The following STK31 variants were observed in gnomAD, a reference collection of about 807,000 sequenced individuals.
STK31 encodes serine/threonine-protein kinase 31.
Under a neutral mutation model 129.7 loss-of-function variants are expected in STK31, and 89 were observed. The observed-to-expected ratio is 0.69, with a 90% CI of 0.58 to 0.82. The LOEUF (loss-of-function observed/expected upper bound fraction) is 0.82. Ranked by LOEUF, STK31 falls within the 40% of genes least tolerant of loss-of-function variation. The probability of loss-of-function intolerance (pLI) is 0.00; values close to 1 mark genes in which losing one functional copy is unlikely to be tolerated. For synonymous variants in STK31, 448 were observed against 395.3 expected (o/e 1.13, Z -1.58); for missense variants, 1,187 against 1,176.4 (o/e 1.01, Z -0.13).
intron 6 of STK31, among the ~76,000 whole-genome samples, chr7:23,730,856 T>TTATATATATATATATA (rs201160478): frequency 6.6e-5 from 5 of 75,232 alleles, no homozygotes; most frequent in South Asian, 5.4e-4. Flanking sequence ...ATATAAACAT[T>TTATATATATATATATA]TATATATATA....
At position 23,832,159 on chromosome 7, in the gene STK31, C is replaced by G. The variant is rs1232162107; in HGVS notation, c.2853C>G (p.Leu951=). The G allele has an allele frequency of 2.5e-6, 4 of 1,613,798 alleles. No individual in the cohort carries two copies. Among genetic ancestry groups the G allele is most frequent in the African/African-American group, 1.3e-5 (1 of 74,934 alleles). ...FHLDDKVKSL[L]CSLICYRSSM... is the part of the protein sequence containing the mutation. ...AGGATGATAAAGTCAAATCCCTCCT[C>G]TGTAGCTTGATATGTTATAGAAGTT... Residue 951 remains leucine, a synonymous_variant, in exon 24 of 24, where the codon CTC becomes CTG. Transcript: ENST00000355870.
intron 9 of STK31, among the ~76,000 whole-genome samples, chr7:23,753,322 G>C (rs1788836240): frequency 6.6e-6 from 1 of 152,152 alleles, no homozygotes; most frequent in Non-Finnish European, 1.5e-5. Context: ...ATCCCACTTA[G>C]GTGAATTGGT....
At chr7:23,822,122 T>A (rs894358951) in intron 23 of STK31, among the ~76,000 whole-genome samples, 1 of 152,242 alleles carries the variant, frequency 6.6e-6, no homozygotes, top group Admixed American at 6.5e-5. Context: ...CTATTTGTGC[T>A]CTTTTTTAGT....
chr7:23,798,710 C>T (rs1792165677), intron 22 of STK31, among the ~76,000 whole-genome samples: 1 of 152,184 alleles, frequency 6.6e-6, no homozygotes, highest in Admixed American at 6.5e-5. Flanking sequence ...TGCCCTCTCT[C>T]ACCACTCCTA....
In STK31 at chr7:23,744,771, C is replaced by T. The variant is rs907102501; in HGVS notation, c.1017+7693C>T. Among the ~76,000 whole-genome samples, 6 of 151,988 alleles carry T rather than the reference C, an allele frequency of 3.9e-5. No individual in the cohort carries two copies. The East Asian group carries it at 5.8e-4, about 15-fold the overall frequency. Reference sequence around the variant, plus strand: ...AGGGTGTGGTTGTTAGTGGGGGCTGCGGAGAAGTTTTGCTGGGTAAAGGAA... The same window carrying T: ...AGGGTGTGGTTGTTAGTGGGGGCTGTGGAGAAGTTTTGCTGGGTAAAGGAA... On this transcript the variant is annotated intron_variant, in intron 8 of 23. Transcript: ENST00000355870.
chr7:23,726,616 C>CA lies in STK31; in HGVS notation c.250-612dup, dbSNP rs768158362. 5.5e-3 allele frequency among the ~76,000 whole-genome samples: 597 copies of CA among 108,356 alleles called. 1 individual carries two copies. The highest frequency in any genetic ancestry group is 0.014 in the African/African-American group (414 of 29,036). The allele number at this position is 108,356 out of a possible 152,430, so 71.1% of individuals were successfully genotyped here. The stretch of plus-strand genomic sequence containing the variant: ...CTGGCGACAGAATGAGACCCTGTCT[C>CA]AAAAAAAAAAAAAGAAAAGAAAATG... On this transcript the variant is annotated intron_variant, in intron 4 of 23. Coordinates refer to ENST00000355870, the MANE Select transcript of STK31 (RefSeq NM_031414.5).
chr7:23,750,067 T>TCCCCCCCCCCCCCCCCCCCCCCCC (rs1171568592), intron 8 of STK31, among the ~76,000 whole-genome samples: 1 of 90,556 alleles, frequency 1.1e-5, no homozygotes, highest in Non-Finnish European at 2.3e-5. Flanking sequence ...ATGGTTTGTT[T>TCCCCCCCCCCCCCCCCCCCCCCCC]CCCCCCCCGC....
At chr7:23,721,988 A>C (rs1407415232) in intron 4 of STK31, 3 of 199,486 alleles carry the variant, frequency 1.5e-5, no homozygotes, top group Non-Finnish European at 3.1e-5. Context: ...ATTTTTTTCA[A>C]GGTTTTTAGC....
At chr7:23,787,476 G>A (rs980623475) in intron 20 of STK31, among the ~76,000 whole-genome samples, 21 of 151,978 alleles carry the variant, frequency 1.4e-4, no homozygotes, top group Admixed American at 2.6e-4. Flanking sequence ...AGAACAGGGC[G>A]GCACAGCAGG....
At chr7:23,767,807 CCTT>C (rs1789925584) in intron 11 of STK31, among the ~76,000 whole-genome samples, 2 of 152,232 alleles carry the variant, frequency 1.3e-5, no homozygotes, top group African/African-American at 4.8e-5. Flanking sequence ...GTGACACAGT[CCTT>C]CTTTCACTTG....
chr7:23,721,219 GAAAT>G (rs1434039547), intron 4 of STK31: 3 of 376,160 alleles, frequency 8.0e-6, no homozygotes, highest in African/African-American at 6.3e-5. Context: ...TCTGATGAAA[GAAAT>G]AATTCTCTCT....
chr7:23,776,476 G>C (rs1274209272), intron 15 of STK31, among the ~76,000 whole-genome samples: 2 of 152,036 alleles, frequency 1.3e-5, no homozygotes, highest in African/African-American at 4.8e-5. Context: ...TTTTTTGGTT[G>C]GTAGGCTATT....
chr7:23,717,468 C>T lies in STK31; in HGVS notation c.151-13C>T. ...TATTTTACTGTATCTTATACTATATCTAATCTTTCTAGAGTATCAATAGAA... is the reference window on the plus strand; with the variant it reads ...TATTTTACTGTATCTTATACTATATTTAATCTTTCTAGAGTATCAATAGAA... On this transcript the variant is annotated splice_polypyrimidine_tract_variant and intron_variant, in intron 3 of 23. Transcript: ENST00000355870. 6.4e-7 allele frequency: 1 copy of T among 1,553,834 alleles called. No individual in the cohort carries two copies. Among genetic ancestry groups the T allele is most frequent in the Non-Finnish European group, 8.9e-7 (1 of 1,129,112 alleles).
Position 23,818,328 on chromosome 7 carries a change from A to C in STK31, c.2829+3116A>C, listed in dbSNP as rs902062955. ...TAGTTCTCTTTTCCCCAGTTGAAAA[A>C]AGTGGTAGATACAGAGGTTAATTAA... is the stretch of plus-strand genomic sequence containing the variant. On this transcript the variant is annotated intron_variant, in intron 23 of 23. Coordinates refer to ENST00000355870, the MANE Select transcript of STK31 (RefSeq NM_031414.5). Among the ~76,000 whole-genome samples the C allele has an allele frequency of 4.6e-5, 7 of 152,234 alleles. No individual in the cohort carries two copies. In the East Asian group the frequency reaches 1.2e-3, roughly 25 times the overall value.
At chr7:23,765,191 A>G (rs1170273736) in intron 11 of STK31, among the ~76,000 whole-genome samples, 2 of 151,934 alleles carry the variant, frequency 1.3e-5, no homozygotes, top group African/African-American at 4.8e-5. Context: ...AGTAGCTGGG[A>G]TTACAGGCAC....
At chr7:23,718,189 G>A (rs780744094) in intron 4 of STK31, among the ~76,000 whole-genome samples, 3 of 152,116 alleles carry the variant, frequency 2.0e-5, no homozygotes, top group East Asian at 3.8e-4. Context: ...TGAAGAAAAC[G>A]TATGTACTGT....
intron 15 of STK31, among the ~76,000 whole-genome samples, chr7:23,773,716 CTT>C (rs934340183): frequency 2.2e-5 from 3 of 137,318 alleles, no homozygotes; most frequent in Non-Finnish European, 3.2e-5. Flanking sequence ...GGTTTCCTGA[CTT>C]GTGTGTGTGT....
At chr7:23,761,444 G>T (rs1584401043) in intron 10 of STK31, among the ~76,000 whole-genome samples, 1 of 148,176 alleles carries the variant, frequency 6.7e-6, no homozygotes. Context: ...TTTTTGAGAC[G>T]GAGTCTCGCT....
intron 22 of STK31, among the ~76,000 whole-genome samples, chr7:23,809,442 T>A (rs892760480): frequency 6.6e-6 from 1 of 152,232 alleles, no homozygotes; most frequent in East Asian, 1.9e-4. Flanking sequence ...GATCATGTTA[T>A]GTGCTTTTCA....
Sources: gnomAD v4.1 joint callset for allele counts (sites outside exome capture counted in the v4.1 genomes callset) on GRCh38, gnomAD v4.1.1 for gene constraint, MANE v1.5 for transcripts, NCBI Gene and HGNC (gene_info 2026-07-23, HGNC 2026-07-21) for gene names.